The following PLS1 variants were observed in gnomAD, a reference collection of about 807,000 sequenced individuals.
PLS1 encodes plastin 1.
In PLS1, 32 loss-of-function variants were observed where a neutral mutation model predicts 73.7. That is an observed-to-expected ratio of 0.43 (90% CI 0.33 to 0.58). PLS1 has a LOEUF of 0.58. Ranked by LOEUF, PLS1 falls within the 20% of genes least tolerant of loss-of-function variation. The pLI is 0.04. For synonymous variants in PLS1, 217 were observed against 261.3 expected, an observed-to-expected ratio of 0.83 and a Z score of 1.63; for missense variants, 633 against 740.5, an observed-to-expected ratio of 0.85 and a Z score of 1.68.
At chr3:142,700,919 G>A (rs914401393) in intron 12 of PLS1, among the ~76,000 whole-genome samples, 32 of 152,114 alleles carry the variant, frequency 2.1e-4, no homozygotes, top group Non-Finnish European at 1.8e-4. Flanking sequence ...AGGGGTTTCC[G>A]CTTTTGCATC....
chr3:142,700,349 G>A (rs1415203879), intron 12 of PLS1, among the ~76,000 whole-genome samples: 1 of 151,586 alleles, frequency 6.6e-6, no homozygotes, highest in East Asian at 1.9e-4. Context: ...TTGAGATGGA[G>A]TCTCGCTCTG....
chr3:142,711,961 C>T lies in PLS1; in HGVS notation c.1844C>T (p.Thr615Met), dbSNP rs149708405. ...LVEVKPKMVM[T>M]VFACLMGKGL... Reference sequence around the variant, plus strand: ...GAAGTGAAACCAAAGATGGTTATGACGGTGTTTGCATGCTTAATGGGAAAA... The same window carrying T: ...GAAGTGAAACCAAAGATGGTTATGATGGTGTTTGCATGCTTAATGGGAAAA... The change falls in exon 16 of 16, where the codon ACG becomes ATG. Residue 615 changes from threonine (T) to methionine (M), a missense_variant. Coordinates refer to ENST00000457734, the MANE Select transcript of PLS1 (RefSeq NM_001145319.2). 171 of 1,612,806 alleles carry T rather than the reference C, an allele frequency of 1.1e-4. 1 individual carries two copies. Among genetic ancestry groups the T allele is most frequent in the Middle Eastern group, 1.6e-4 (1 of 6,080 alleles).
chr3:142,630,938 A>C (rs372321646), intron 1 of PLS1, among the ~76,000 whole-genome samples: 1 of 137,364 alleles, frequency 7.3e-6, no homozygotes, highest in Non-Finnish European at 1.5e-5. Context: ...CATGTAAATA[A>C]ACACACACAC....
At chr3:142,690,994 G>A (rs911770439) in intron 10 of PLS1, among the ~76,000 whole-genome samples, 3 of 152,072 alleles carry the variant, frequency 2.0e-5, no homozygotes, top group African/African-American at 7.2e-5. Flanking sequence ...TCTTCTTGGT[G>A]GGGAGAGTAT....
At chr3:142,708,926 T>C (rs1241785114) in intron 14 of PLS1, among the ~76,000 whole-genome samples, 1 of 152,160 alleles carries the variant, frequency 6.6e-6, no homozygotes, top group East Asian at 1.9e-4. Context: ...CAGTAGAAGC[T>C]TTACGCAAGG....
chr3:142,703,055 C>T (rs1366315722), intron 12 of PLS1, among the ~76,000 whole-genome samples: 1 of 152,038 alleles, frequency 6.6e-6, no homozygotes, highest in Non-Finnish European at 1.5e-5. Context: ...TAAGGTTAAG[C>T]CTTTATTGAA....
chr3:142,693,289 C>T (rs1012781112), intron 10 of PLS1, among the ~76,000 whole-genome samples: 6 of 152,164 alleles, frequency 3.9e-5, no homozygotes, highest in African/African-American at 1.4e-4. Flanking sequence ...TCCTTTAGAT[C>T]TGACAAGGCT....
intron 5 of PLS1, among the ~76,000 whole-genome samples, 180 bp from the exon 6 acceptor site, chr3:142,677,852 T>G (rs543735967): frequency 6.6e-6 from 1 of 152,276 alleles, no homozygotes; most frequent in Admixed American, 6.5e-5. Flanking sequence ...CTCAAACTCT[T>G]GGGCTCAGCC....
At chr3:142,678,417 C>G in intron 6 of PLS1, among the ~76,000 whole-genome samples, 1 of 107,296 alleles carries the variant, frequency 9.3e-6, no homozygotes, top group South Asian at 4.0e-4. Flanking sequence ...AGCTATCCCT[C>G]CCCCCTCCCC....
At chr3:142,606,718 C>A (rs937698015) in intron 1 of PLS1, among the ~76,000 whole-genome samples, 123 of 152,142 alleles carry the variant, frequency 8.1e-4, no homozygotes, top group African/African-American at 2.8e-3. Context: ...TTGCGTCTGG[C>A]TTATTTCACT....
At chr3:142,704,669 G>A (rs1577914300) in intron 14 of PLS1, 83 bp downstream of exon 14, 3 of 499,618 alleles carry the variant, frequency 6.0e-6, no homozygotes, top group East Asian at 5.3e-5. Context: ...TTTTTTTGGA[G>A]ATGGAGTCTC....
chr3:142,629,266 G>A (rs1438137800), intron 1 of PLS1, among the ~76,000 whole-genome samples: 1 of 151,184 alleles, frequency 6.6e-6, no homozygotes, highest in Non-Finnish European at 1.5e-5. Context: ...GCGCGATCTT[G>A]GCTTACTGCA....
At chr3:142,619,787 A>T (rs927803269) in intron 1 of PLS1, 9 of 152,352 alleles carry the variant, frequency 5.9e-5, no homozygotes, top group African/African-American at 1.9e-4. Flanking sequence ...AATGTCTCAT[A>T]TAAGCAAGTA....
intron 10 of PLS1, among the ~76,000 whole-genome samples, chr3:142,690,426 T>C (rs940261298): frequency 6.6e-6 from 1 of 152,208 alleles, no homozygotes; most frequent in African/African-American, 2.4e-5. Context: ...ATTTTACTTT[T>C]TGCATTGTTC....
intron 5 of PLS1, 23 bp downstream of exon 5, chr3:142,676,312 G>A (rs1560063289): frequency 6.2e-7 from 1 of 1,608,274 alleles, no homozygotes; most frequent in East Asian, 2.2e-5. Context: ...TCTGGTTAAG[G>A]AAGCTGCGTT....
intron 1 of PLS1, among the ~76,000 whole-genome samples, chr3:142,636,427 A>G (rs1257722751): frequency 6.6e-6 from 1 of 152,260 alleles, no homozygotes; most frequent in Non-Finnish European, 1.5e-5. Context: ...CTTGTATTAT[A>G]AACAAACCCA....
intron 1 of PLS1, among the ~76,000 whole-genome samples, chr3:142,648,184 A>C (rs375590630): frequency 6.6e-6 from 1 of 152,202 alleles, no homozygotes; most frequent in Non-Finnish European, 1.5e-5. Flanking sequence ...GAAAAAATTC[A>C]TGGTGGAATT....
chr3:142,620,717 T>C (rs2036299386), intron 1 of PLS1, among the ~76,000 whole-genome samples: 1 of 152,168 alleles, frequency 6.6e-6, no homozygotes, highest in Non-Finnish European at 1.5e-5. Flanking sequence ...ATTCATAGGC[T>C]GTTAAAACTG....
chr3:142,611,175 G>A (rs1045810373), intron 1 of PLS1, among the ~76,000 whole-genome samples: 1 of 152,170 alleles, frequency 6.6e-6, no homozygotes, highest in South Asian at 2.1e-4. Context: ...TCTCTTAGCT[G>A]TTTAAGAATG....
Sources: gnomAD v4.1 joint callset for allele counts (sites outside exome capture counted in the v4.1 genomes callset) on GRCh38, gnomAD v4.1.1 for gene constraint, MANE v1.5 for transcripts, NCBI Gene and HGNC (gene_info 2026-07-23, HGNC 2026-07-21) for gene names.